Variants in TFEC observed in about 807,000 individuals in gnomAD.
The protein encoded by TFEC is transcription factor EC.
In TFEC, 31 loss-of-function variants were observed where a neutral mutation model predicts 41.6. The ratio of observed to expected loss-of-function variants is 0.74; its 90% CI spans 0.56 to 1.01. The LOEUF (loss-of-function observed/expected upper bound fraction) is 1.01, where lower values mean the gene tolerates loss of function less well. Among genes scored for constraint, TFEC ranks in the 50% least tolerant of loss-of-function variants. The pLI is 0.00. For missense variants in TFEC, 402 were observed against 404.1 expected, an observed-to-expected ratio of 0.99 and a Z score of 0.04; for synonymous variants, 143 against 140.6, an observed-to-expected ratio of 1.02 and a Z score of -0.12.
At chr7:115,951,574 T>C (rs903225763) in intron 5 of TFEC, among the ~76,000 whole-genome samples, 1 of 152,054 alleles carries the variant, frequency 6.6e-6, no homozygotes, top group Non-Finnish European at 1.5e-5. Context: ...TTGGCACTCT[T>C]TAGACACACC....
chr7:116,137,861 AAT>A (rs1798463609), intron 1 of TFEC, among the ~76,000 whole-genome samples: 1 of 152,036 alleles, frequency 6.6e-6, no homozygotes, highest in Admixed American at 6.6e-5. Context: ...TACAGTATAA[AAT>A]AGTTTAGAAA....
intron 3 of TFEC, among the ~76,000 whole-genome samples, chr7:115,971,797 A>G (rs1793146795): frequency 6.6e-6 from 1 of 152,090 alleles, no homozygotes; most frequent in Admixed American, 6.6e-5. Flanking sequence ...AGGCTATGAC[A>G]GTGTCTGTTC....
chr7:116,105,632 A>T (rs1797700917), intron 3 of TFEC, among the ~76,000 whole-genome samples: 1 of 152,056 alleles, frequency 6.6e-6, no homozygotes, highest in African/African-American at 2.4e-5. Context: ...GAACCTTGTT[A>T]GCCACAGACT....
intron 6 of TFEC, among the ~76,000 whole-genome samples, chr7:115,949,511 A>T (rs1791809936): frequency 6.6e-6 from 1 of 152,192 alleles, no homozygotes; most frequent in African/African-American, 2.4e-5. Context: ...GATATAGATC[A>T]ATGGAACAGA....
chr7:116,072,434 G>T (rs1046144599), intron 3 of TFEC, among the ~76,000 whole-genome samples: 5 of 151,492 alleles, frequency 3.3e-5, no homozygotes, highest in Admixed American at 6.6e-5. Context: ...GCTTTGATAT[G>T]TATTGTTTAA....
chr7:116,107,443 T>A (rs1459940668), intron 3 of TFEC, among the ~76,000 whole-genome samples: 1 of 152,166 alleles, frequency 6.6e-6, no homozygotes, highest in Admixed American at 6.6e-5. Flanking sequence ...TAAATACTTA[T>A]TTTCCTTGAT....
intron 1 of TFEC, among the ~76,000 whole-genome samples, chr7:115,995,515 C>T (rs529929677): frequency 1.3e-5 from 2 of 152,184 alleles, no homozygotes; most frequent in African/African-American, 2.4e-5. Flanking sequence ...CAAGATATTT[C>T]CCAGAGGAGA....
chr7:116,036,261 G>A (rs1404246), intron 3 of TFEC, among the ~76,000 whole-genome samples: 15,054 of 151,954 alleles, frequency 0.099, 823 homozygotes, highest in African/African-American at 0.13. Context: ...TGTTTCCCAG[G>A]CAGAGAGGAA....
At chr7:116,097,178 G>A (rs564096287) in intron 3 of TFEC, among the ~76,000 whole-genome samples, 62 of 152,210 alleles carry the variant, frequency 4.1e-4, no homozygotes, top group Non-Finnish European at 8.1e-4. Context: ...TTTACGCAAA[G>A]TGGTAAAATG....
At chr7:115,944,121 G>T (rs1395940792) in intron 6 of TFEC, among the ~76,000 whole-genome samples, 2 of 139,816 alleles carry the variant, frequency 1.4e-5, no homozygotes, top group South Asian at 2.5e-4. Flanking sequence ...TTACACAAAA[G>T]CAGGAGGAAT....
intron 1 of TFEC, among the ~76,000 whole-genome samples, chr7:116,135,332 G>C (rs1480752729): frequency 6.6e-6 from 1 of 152,084 alleles, no homozygotes; most frequent in East Asian, 1.9e-4. Context: ...AAATGAGCAC[G>C]GTACAGCATT....
intron 2 of TFEC, among the ~76,000 whole-genome samples, chr7:115,982,507 T>C (rs13222870): frequency 0.43 from 66,005 of 152,042 alleles, 14,665 homozygotes; most frequent in Non-Finnish European, 0.49. Flanking sequence ...GATGGCAGTA[T>C]GTGAAAATGT....
intron 3 of TFEC, among the ~76,000 whole-genome samples, chr7:115,965,794 G>T (rs1306909490): frequency 6.6e-6 from 1 of 151,502 alleles, no homozygotes; most frequent in Non-Finnish European, 1.5e-5. Context: ...TTCTTATCAG[G>T]ACAAATACAG....
At chr7:115,975,203 TA>T (rs11405197) in intron 2 of TFEC, among the ~76,000 whole-genome samples, 1 of 151,874 alleles carries the variant, frequency 6.6e-6, no homozygotes. Context: ...TTTATATGTT[TA>T]AAAAAATGGT....
intron 3 of TFEC, among the ~76,000 whole-genome samples, chr7:116,070,759 T>C (rs1297006601): frequency 1.3e-5 from 2 of 151,400 alleles, no homozygotes; most frequent in Non-Finnish European, 3.0e-5. Context: ...AAAACACTCT[T>C]AGATATCCTT....
In TFEC at chr7:115,984,289, C is replaced by T; in HGVS notation, c.153G>A (p.Gly51=). The T allele has an allele frequency of 6.2e-7, 1 of 1,614,052 alleles. No individual in the cohort carries two copies. Among genetic ancestry groups the T allele is most frequent in the African/African-American group, 1.3e-5 (1 of 75,032 alleles). Reference sequence around the variant, plus strand: ...GCCATTGTGCATTGTCATCTTCTTTCCCAATAGCTAGTAACTTGGTGAGTG... The same window carrying T: ...GCCATTGTGCATTGTCATCTTCTTTTCCAATAGCTAGTAACTTGGTGAGTG... ...ENPLTKLLAI[G]KEDDNAQWHM... Residue 51 remains glycine, a synonymous_variant, in exon 2 of 8, where the codon GGG becomes GGA. Coordinates refer to ENST00000265440, the MANE Select transcript of TFEC (RefSeq NM_012252.4).
At chr7:116,005,374 C>A (rs1188351577) in intron 1 of TFEC, among the ~76,000 whole-genome samples, 1 of 152,074 alleles carries the variant, frequency 6.6e-6, no homozygotes, top group African/African-American at 2.4e-5. Context: ...CAATAAGGTC[C>A]AGGATGAGGT....
At chr7:115,961,250 A>G (rs1584591913) in intron 3 of TFEC, among the ~76,000 whole-genome samples, 2 of 151,716 alleles carry the variant, frequency 1.3e-5, no homozygotes, top group East Asian at 1.9e-4. Flanking sequence ...GTGCTCAGTC[A>G]AAAGAAACCC....
chr7:116,102,902 G>A (rs1285268016), intron 3 of TFEC, among the ~76,000 whole-genome samples: 2 of 152,182 alleles, frequency 1.3e-5, no homozygotes, highest in Non-Finnish European at 2.9e-5. Context: ...AGCAGTGTTA[G>A]TGGATAATTT....
Sources: allele counts gnomAD v4.1 joint callset (sites outside exome capture counted in the v4.1 genomes callset), GRCh38; gene constraint gnomAD v4.1.1; transcripts MANE v1.5; gene names NCBI Gene and HGNC (gene_info 2026-07-23, HGNC 2026-07-21).